Variants in ACSM1 observed in about 807,000 individuals in gnomAD.
ACSM1 encodes acyl-coenzyme A synthetase ACSM1, mitochondrial.
ACSM1 carries 79 observed loss-of-function variants against 75.8 expected under a neutral mutation model. The observed-to-expected ratio is 1.04, with a 90% confidence interval of 0.87 to 1.26. The LOEUF is 1.26. ACSM1 is among the 50% of genes most tolerant of loss of function. ACSM1 has a pLI of 0.00. For synonymous variants in ACSM1, 279 were observed against 265.8 expected (o/e 1.05, Z -0.48); for missense variants, 676 against 720.1 (o/e 0.94, Z 0.70).
intron 6 of ACSM1, among the ~76,000 whole-genome samples, 166 bp from the exon 7 acceptor site, chr16:20,662,039 T>C (rs1485348177): frequency 6.6e-6 from 1 of 152,212 alleles, no homozygotes; most frequent in Non-Finnish European, 1.5e-5. Context: ...ATGGTATGCA[T>C]CAGGTACTGT....
chr16:20,686,862 C>T (rs544352443), intron 2 of ACSM1, among the ~76,000 whole-genome samples: 2 of 151,440 alleles, frequency 1.3e-5, no homozygotes, highest in East Asian at 3.9e-4. Flanking sequence ...ATTGGTATGA[C>T]TGCAGTAGTA....
intron 10 of ACSM1, among the ~76,000 whole-genome samples, chr16:20,631,902 G>A (rs1488522560): frequency 6.6e-6 from 1 of 152,146 alleles, no homozygotes; most frequent in African/African-American, 2.4e-5. Context: ...AGACCACACT[G>A]TTCAGGTGAT....
intron 2 of ACSM1, among the ~76,000 whole-genome samples, chr16:20,689,762 C>T (rs1409565218): frequency 6.6e-6 from 1 of 152,122 alleles, no homozygotes; most frequent in Non-Finnish European, 1.5e-5. Flanking sequence ...TTCAAAAATT[C>T]TCAACCAGAT....
chr16:20,672,471 A>AAAAAAATATATATATAT (rs1555473775), intron 4 of ACSM1, among the ~76,000 whole-genome samples: 3 of 64,566 alleles, frequency 4.6e-5, no homozygotes, highest in East Asian at 2.6e-3. Flanking sequence ...AAAAAAAAAA[A>AAAAAAATATATATATAT]ATATATATAT....
chr16:20,637,643 A>T (rs1433412933), intron 8 of ACSM1, among the ~76,000 whole-genome samples, 192 bp from the exon 9 acceptor site: 1 of 152,198 alleles, frequency 6.6e-6, no homozygotes, highest in Non-Finnish European at 1.5e-5. Flanking sequence ...TCTATTCCAC[A>T]GTCATTTTCT....
At chr16:20,684,990 G>C (rs566786802) in intron 3 of ACSM1, among the ~76,000 whole-genome samples, 25 of 152,202 alleles carry the variant, frequency 1.6e-4, no homozygotes, top group Non-Finnish European at 3.1e-4. Flanking sequence ...AGGAGGTACA[G>C]AGAAGAGAAA....
rs548573982 is a variant in ACSM1, at chr16:20,640,380, T to A, written c.1116+81A>T. ...GAAAGGCACAAACCTGTTTCCCAGA[T>A]GCGTGTCATTAACCTTAGCAAAATA... On this transcript the variant is annotated intron_variant, in intron 8 of 13. Transcript: ENST00000520010. 4.1e-4 allele frequency: 616 copies of A among 1,509,338 alleles called. 2 individuals are homozygous for A. Among genetic ancestry groups the A allele is most frequent in the Non-Finnish European group, 2.7e-4 (297 of 1,092,824 alleles). The allele number at this position is 1,509,338 out of a possible 1,614,324, so 93.5% of individuals were successfully genotyped here.
At chr16:20,694,223 CG>C (rs1230444843) in intron 1 of ACSM1, among the ~76,000 whole-genome samples, 1 of 152,186 alleles carries the variant, frequency 6.6e-6, no homozygotes, top group Non-Finnish European at 1.5e-5. Flanking sequence ...TGTGAGGTCC[CG>C]TTCCAGCCAG....
At chr16:20,653,385 T>C (rs923189331) in intron 7 of ACSM1, among the ~76,000 whole-genome samples, 2 of 152,168 alleles carry the variant, frequency 1.3e-5, no homozygotes, top group Non-Finnish European at 2.9e-5. Flanking sequence ...TTCAACATAG[T>C]GTTGGAAGTT....
chr16:20,636,813 G>A lies in ACSM1; in HGVS notation c.1225C>T (p.Pro409Ser), dbSNP rs1421080382. The part of the protein sequence containing the change: ...QVIDDKGSIL[P>S]PNTEGNIGIR... Reference sequence around the variant, plus strand: ...CCAATGTTTCCTTCTGTGTTAGGTGGCAGGATGCTGCCCTTGTCATCAATG... The same window carrying A: ...CCAATGTTTCCTTCTGTGTTAGGTGACAGGATGCTGCCCTTGTCATCAATG... Residue 409 changes from proline to serine, a missense_variant, in exon 10 of 14, where the codon CCA becomes TCA. By Grantham distance (74) the Pro-to-Ser change is moderately conservative. Transcript: ENST00000520010. 6.2e-7 allele frequency: 1 copy of A among 1,613,944 alleles called. No homozygotes were observed. The highest frequency in any genetic ancestry group is 8.5e-7 in the Non-Finnish European group (1 of 1,179,982).
chr16:20,666,653 G>T (rs1306086346), intron 6 of ACSM1, among the ~76,000 whole-genome samples: 1 of 151,838 alleles, frequency 6.6e-6, no homozygotes, highest in African/African-American at 2.4e-5. Flanking sequence ...TACCAAAAAG[G>T]GCTTGAATAC....
rs1369155707 is a variant in ACSM1 at position 20,684,466 on chromosome 16, G to A, written c.403+727C>T. On this transcript the variant is annotated intron_variant, in intron 3 of 13. Transcript: ENST00000520010. ...AAACTGACTTCAGAATATACCCCCT[G>A]ATGTGATGCACAGAGGAAGACACAA... 2.6e-5 allele frequency among the ~76,000 whole-genome samples: 4 copies of A among 152,348 alleles called. No individual in the cohort carries two copies. In the East Asian group the frequency reaches 7.7e-4, roughly 29 times the overall value.
intron 10 of ACSM1, 44 bp from the exon 11 acceptor site, chr16:20,627,360 G>A: frequency 6.5e-7 from 1 of 1,534,664 alleles, no homozygotes; most frequent in Non-Finnish European, 8.7e-7. Flanking sequence ...AGTGAATTTA[G>A]AGGTGATGAG....
intron 7 of ACSM1, among the ~76,000 whole-genome samples, chr16:20,646,550 T>A (rs2018374085): frequency 6.6e-6 from 1 of 152,164 alleles, no homozygotes; most frequent in South Asian, 2.1e-4. Context: ...TCTGTCACTA[T>A]CCAAGGGGTC....
At chr16:20,626,017 T>C (rs1378204245) in intron 11 of ACSM1, among the ~76,000 whole-genome samples, 2 of 152,218 alleles carry the variant, frequency 1.3e-5, no homozygotes, top group Admixed American at 6.5e-5. Context: ...TGCCTTTTTT[T>C]TCTTTTGTGG....
chr16:20,656,457 C>T lies in ACSM1; in HGVS notation c.992+5337G>A, dbSNP rs182374044. ...AACCCTCGGGTTTTGCACCCCACCC[C>T]ACCGAGTGGAAATTTGGGTGACTAA... On this transcript the variant is annotated intron_variant, in intron 7 of 13. Transcript: ENST00000520010. Among the ~76,000 whole-genome samples the T allele has an allele frequency of 4.7e-3, 713 of 152,132 alleles. 6 individuals are homozygous for T. Among genetic ancestry groups the T allele is most frequent in the Non-Finnish European group, 5.2e-3 (351 of 67,994 alleles).
intron 10 of ACSM1, among the ~76,000 whole-genome samples, chr16:20,628,919 A>G (rs1368428789): frequency 1.3e-5 from 2 of 152,196 alleles, no homozygotes; most frequent in Non-Finnish European, 1.5e-5. Flanking sequence ...CTTGACCCCT[A>G]AGCAATAGCT....
At chr16:20,685,459 A>G in intron 2 of ACSM1, 56 bp from the exon 3 acceptor site, 2 of 1,504,742 alleles carry the variant, frequency 1.3e-6, no homozygotes. Context: ...AAGGGCACTT[A>G]GTAAACTAAT....
chr16:20,634,486 T>C (rs1247058678), intron 10 of ACSM1, among the ~76,000 whole-genome samples: 2 of 152,232 alleles, frequency 1.3e-5, no homozygotes, highest in Admixed American at 1.3e-4. Flanking sequence ...ATGTGTTGTA[T>C]ACATACAGTG....
Sources: gnomAD v4.1 joint callset for allele counts (sites outside exome capture counted in the v4.1 genomes callset) on GRCh38, gnomAD v4.1.1 for gene constraint, MANE v1.5 for transcripts, NCBI Gene and HGNC (gene_info 2026-07-23, HGNC 2026-07-21) for gene names.